The following MYCBPAP variants were observed in gnomAD, a reference collection of about 807,000 sequenced individuals.
MYCBPAP encodes the protein MYCBP associated protein.
In MYCBPAP, 60 loss-of-function variants were observed where a neutral mutation model predicts 106.1. That is an observed-to-expected ratio of 0.57 (90% CI 0.46 to 0.70). The LOEUF (loss-of-function observed/expected upper bound fraction) is 0.70, where lower values mean the gene tolerates loss of function less well. Among genes scored for constraint, MYCBPAP ranks in the 30% least tolerant of loss-of-function variants. The pLI is 0.00. For synonymous variants in MYCBPAP, 407 were observed against 440.6 expected, an observed-to-expected ratio of 0.92 and a Z score of 0.95; for missense variants, 1,064 against 1,169.3, an observed-to-expected ratio of 0.91 and a Z score of 1.31.
intron 13 of MYCBPAP, 126 bp downstream of exon 13, chr17:50,525,149 G>A: frequency 8.5e-7 from 1 of 1,172,844 alleles, no homozygotes; most frequent in Non-Finnish European, 1.2e-6. Context: ...TCTGCCTCCT[G>A]TCAGATCAGC....
At chr17:50,515,322 C>T (rs1346829922) in intron 1 of MYCBPAP, among the ~76,000 whole-genome samples, 1 of 152,084 alleles carries the variant, frequency 6.6e-6, no homozygotes, top group African/African-American at 2.4e-5. Flanking sequence ...GGCATGTGCT[C>T]TTTAAAGACA....
In MYCBPAP at chr17:50,526,076, C is replaced by T. The variant is rs1481650934; in HGVS notation, c.1978C>T (p.Pro660Ser). 1 of 1,613,940 alleles carries T rather than the reference C, an allele frequency of 6.2e-7. No homozygotes were observed. The highest frequency in any genetic ancestry group is 2.2e-5 in the East Asian group (1 of 44,866). The change falls in exon 14 of 19, where the codon CCT becomes TCT. Residue 660 changes from proline to serine, a missense_variant. Transcript: ENST00000323776. ...SPISETQVPR[P>S]ENEALRESGS... Reference sequence around the variant, plus strand: ...CATCTCCGAAACTCAAGTGCCCCGGCCTGAGAACGAGGCCCTCAGGGAATC... The same window carrying T: ...CATCTCCGAAACTCAAGTGCCCCGGTCTGAGAACGAGGCCCTCAGGGAATC...
intron 12 of MYCBPAP, 47 bp downstream of exon 12, chr17:50,523,831 C>T: frequency 6.4e-7 from 1 of 1,554,204 alleles, no homozygotes; most frequent in South Asian, 1.2e-5. Context: ...GGTAGGGTAT[C>T]CTGGTGTTCT....
At chr17:50,519,966 T>G in intron 7 of MYCBPAP, 179 bp downstream of exon 7, 1 of 622,336 alleles carries the variant, frequency 1.6e-6, no homozygotes, top group Non-Finnish European at 2.7e-6. Flanking sequence ...CTTCTTTTTC[T>G]TCAGTAAAAC....
At position 50,508,708 on chromosome 17, in the gene MYCBPAP, A is replaced by AT; in HGVS notation, c.35dup (p.Thr13AsnfsTer22). ...TCTAAAGAAGGATTCCCGCCTCAGA[A>AT]TAACTCCGACCAGATTATTAGAGGC... On this transcript the variant is annotated frameshift_variant, in exon 1 of 19. Transcript: ENST00000323776. LOFTEE classifies it high-confidence loss of function. The AT allele has an allele frequency of 6.2e-7, 1 of 1,612,004 alleles. No individual in the cohort carries two copies. The highest frequency in any genetic ancestry group is 8.5e-7 in the Non-Finnish European group (1 of 1,179,008).
At chr17:50,529,856 C>T (rs768698989) in intron 18 of MYCBPAP, 3 of 456,170 alleles carry the variant, frequency 6.6e-6, no homozygotes, top group South Asian at 4.6e-5. Context: ...GAGACTTCAT[C>T]CTAATCCGTT....
Position 50,519,038 on chromosome 17 carries a change from G to A in MYCBPAP, c.717G>A (p.Gln239=). Residue 239 remains glutamine (Q), a synonymous_variant, in exon 6 of 19, where the codon CAG becomes CAA. Coordinates refer to ENST00000323776, the MANE Select transcript of MYCBPAP (RefSeq NM_032133.6). ...CCGGGGAGACCTACAGACGGATCCA[G>A]GAGGAGCGGGAGCTCATTGACTGCA... ...MHTGETYRRI[Q]EERELIDCTL... is the part of the protein sequence containing the mutation. 1 of 1,614,066 alleles carries A rather than the reference G, an allele frequency of 6.2e-7. No homozygotes were observed.
intron 15 of MYCBPAP, 45 bp from the exon 16 acceptor site, chr17:50,528,110 C>A: frequency 6.5e-7 from 1 of 1,547,772 alleles, no homozygotes; most frequent in Non-Finnish European, 8.9e-7. Context: ...GGTTCAAGGA[C>A]AAATGAGGAG....
At chr17:50,513,483 G>GACTACATTAA (rs2033932537) in intron 1 of MYCBPAP, among the ~76,000 whole-genome samples, 1 of 152,078 alleles carries the variant, frequency 6.6e-6, no homozygotes, top group African/African-American at 2.4e-5. Flanking sequence ...GCATTTATTG[G>GACTACATTAA]ACTACATTAA....
intron 13 of MYCBPAP, among the ~76,000 whole-genome samples, chr17:50,525,669 T>C (rs1266719664): frequency 6.6e-6 from 1 of 150,786 alleles, no homozygotes; most frequent in Non-Finnish European, 1.5e-5. Flanking sequence ...CTTTTTTTTT[T>C]TGGTAGAGAT....
At chr17:50,519,431 C>G in intron 6 of MYCBPAP, 1 of 636,858 alleles carries the variant, frequency 1.6e-6, no homozygotes, top group Non-Finnish European at 2.7e-6. Context: ...CCTGTACCAA[C>G]CCACACCATC....
intron 1 of MYCBPAP, chr17:50,509,112 G>C (rs1377026678): frequency 2.8e-6 from 2 of 702,944 alleles, no homozygotes; most frequent in Non-Finnish European, 5.2e-6. Flanking sequence ...TTTAAGGGTA[G>C]AAGGGCCAGG....
chr17:50,508,074 G>A (rs371648789), upstream of MYCBPAP, among the ~76,000 whole-genome samples: 1 of 152,174 alleles, frequency 6.6e-6, no homozygotes. Flanking sequence ...AGTTGGGGAC[G>A]GCAGGCAGGG....
At position 50,523,638 on chromosome 17, in the gene MYCBPAP, T is replaced by C. The variant is rs2034355612; in HGVS notation, c.1489T>C (p.Phe497Leu). The C allele has an allele frequency of 6.2e-7, 1 of 1,614,112 alleles. No homozygotes were observed. Among genetic ancestry groups the C allele is most frequent in the African/African-American group, 1.3e-5 (1 of 74,952 alleles). The change falls in exon 12 of 19, where the codon TTC becomes CTC. Residue 497 changes from phenylalanine to leucine, a missense_variant. Phe to Leu is a conservative substitution (Grantham distance 22, BLOSUM62 0). Transcript: ENST00000323776. ...AGAAATTAAAACATTTACCTTCTTC[T>C]TCAAGTCTTTGACTGCTGGGGTCTT... ...PGEIKTFTFF[F>L]KSLTAGVFRE...
intron 15 of MYCBPAP, 44 bp from the exon 16 acceptor site, chr17:50,528,111 A>G (rs1244723834): frequency 6.4e-7 from 1 of 1,558,208 alleles, no homozygotes; most frequent in South Asian, 1.1e-5. Flanking sequence ...GTTCAAGGAC[A>G]AATGAGGAGT....
chr17:50,524,024 T>C (rs2034370566), intron 12 of MYCBPAP, among the ~76,000 whole-genome samples: 1 of 152,178 alleles, frequency 6.6e-6, no homozygotes, highest in African/African-American at 2.4e-5. Context: ...CCCACTGAGT[T>C]AGAAAGAAAT....
At position 50,521,960 on chromosome 17, in the gene MYCBPAP, G is replaced by A. The variant is rs1442903935; in HGVS notation, c.1149-13G>A. The stretch of plus-strand genomic sequence containing the variant: ...CAGCCTAAGAGAAAATAAGTCATTG[G>A]CTTTTCTTACAGAGGCACATTGGCC... On this transcript the variant is annotated splice_polypyrimidine_tract_variant and intron_variant, in intron 9 of 18. Transcript: ENST00000323776. The A allele has an allele frequency of 2.2e-5, 36 of 1,610,678 alleles. No individual in the cohort carries two copies. Among genetic ancestry groups the A allele is most frequent in the Non-Finnish European group, 3.1e-5 (36 of 1,177,414 alleles).
In MYCBPAP at chr17:50,510,509, A is replaced by C. The variant is rs753214587; in HGVS notation, c.76+1759A>C. ...TGTGTGTGTGTGTGTGTATATATATATATATATATATATATATATATATAT... is the reference window on the plus strand; with the variant it reads ...TGTGTGTGTGTGTGTGTATATATATCTATATATATATATATATATATATAT... On this transcript the variant is annotated intron_variant, in intron 1 of 18. Transcript: ENST00000323776. 59 of 103,106 alleles carry C rather than the reference A, an allele frequency of 5.7e-4. 1 individual carries two copies. The highest frequency in any genetic ancestry group is 2.8e-3 in the African/African-American group (56 of 19,806). 6.4% of individuals were successfully genotyped at this position (103,106 alleles called of 1,614,324 possible).
At chr17:50,524,151 C>T (rs1597840747) in intron 12 of MYCBPAP, among the ~76,000 whole-genome samples, 2 of 152,324 alleles carry the variant, frequency 1.3e-5, no homozygotes, top group South Asian at 4.1e-4. Context: ...AGCGACAAGA[C>T]TTCAAAACCA....
Sources: gnomAD v4.1 joint callset for allele counts (sites outside exome capture counted in the v4.1 genomes callset) on GRCh38, gnomAD v4.1.1 for gene constraint, MANE v1.5 for transcripts, NCBI Gene and HGNC (gene_info 2026-07-23, HGNC 2026-07-21) for gene names.